TUBA1C: variants seen among roughly 807,000 people sequenced by gnomAD.
The protein encoded by TUBA1C is tubulin alpha 1c.
TUBA1C carries 16 observed loss-of-function variants against 34.9 expected under a neutral mutation model. The observed-to-expected ratio is 0.46, with a 90% CI of 0.31 to 0.70. TUBA1C has a LOEUF of 0.70. Ranked by LOEUF, TUBA1C falls within the 30% of genes least tolerant of loss-of-function variation. The pLI, the probability that TUBA1C is intolerant of heterozygous loss-of-function variation, is 0.05. For missense variants in TUBA1C, 329 were observed against 587.3 expected (o/e 0.56, Z 4.55); for synonymous variants, 177 against 215.9 (o/e 0.82, Z 1.58).
At chr12:49,249,882 TAAG>T (rs1267028303) in intron 1 of TUBA1C, among the ~76,000 whole-genome samples, 3 of 151,024 alleles carry the variant, frequency 2.0e-5, no homozygotes, top group South Asian at 2.1e-4. Context: ...ATAATAATAA[TAAG>T]ATTAGCCAAG....
At chr12:49,244,635 A>G (rs1942649987) in intron 1 of TUBA1C, among the ~76,000 whole-genome samples, 1 of 151,912 alleles carries the variant, frequency 6.6e-6, no homozygotes, top group African/African-American at 2.4e-5. Context: ...ATGATCCCAG[A>G]GAGGGGATTC....
intron 1 of TUBA1C, among the ~76,000 whole-genome samples, chr12:49,255,886 C>A (rs1419241085): frequency 1.3e-5 from 2 of 152,116 alleles, no homozygotes; most frequent in African/African-American, 4.8e-5. Flanking sequence ...TTTTAGGCTT[C>A]CATAGCAATG....
At chr12:49,253,313 C>G (rs1461537754) in intron 1 of TUBA1C, among the ~76,000 whole-genome samples, 1 of 151,974 alleles carries the variant, frequency 6.6e-6, no homozygotes, top group Non-Finnish European at 1.5e-5. Context: ...GAAAATAAAG[C>G]ATGAGAGTTG....
rs1227726969 is a variant in TUBA1C at position 49,273,265 on chromosome 12, C to G, written c.*38C>G. 1 of 1,614,090 alleles carries G rather than the reference C, an allele frequency of 6.2e-7. No individual in the cohort carries two copies. On this transcript the variant is annotated 3_prime_UTR_variant, in exon 4 of 4. Coordinates refer to ENST00000301072, the MANE Select transcript of TUBA1C (RefSeq NM_032704.5). ...ACTTTTACACTCCTTTGTCTTGGAA[C>G]TGTCTTATTTTTGTTCTGTAAATGT... is the stretch of plus-strand genomic sequence containing the variant.
At chr12:49,265,217 T>C (rs1212153415) in intron 1 of TUBA1C, 33 bp downstream of exon 1, 1 of 1,576,462 alleles carries the variant, frequency 6.3e-7, no homozygotes, top group Non-Finnish European at 8.7e-7. Flanking sequence ...TGGGGAAGAG[T>C]GCGCGTCCCA....
intron 1 of TUBA1C, among the ~76,000 whole-genome samples, chr12:49,238,246 C>A (rs904122418): frequency 6.6e-6 from 1 of 151,616 alleles, no homozygotes; most frequent in Non-Finnish European, 1.5e-5. Flanking sequence ...TTGTATCCCA[C>A]AATTCTGCTA....
At position 49,273,277 on chromosome 12, in the gene TUBA1C, T is replaced by G. The variant is rs1277839644; in HGVS notation, c.*50T>G. On this transcript the variant is annotated 3_prime_UTR_variant, in exon 4 of 4. Coordinates refer to ENST00000301072, the MANE Select transcript of TUBA1C (RefSeq NM_032704.5). ...CTTTGTCTTGGAACTGTCTTATTTT[T>G]GTTCTGTAAATGTCTATTGCCGTAA... 6.3e-7 allele frequency: 1 copy of G among 1,585,786 alleles called. No homozygotes were observed. Among genetic ancestry groups the G allele is most frequent in the East Asian group, 2.2e-5 (1 of 44,886 alleles).
intron 3 of TUBA1C, chr12:49,270,179 G>A: frequency 8.9e-7 from 1 of 1,122,732 alleles, no homozygotes. Flanking sequence ...GTGCTCTTTA[G>A]CCTATTTTGC....
intron 1 of TUBA1C, among the ~76,000 whole-genome samples, chr12:49,257,227 T>C (rs1383259141): frequency 6.6e-6 from 1 of 151,682 alleles, no homozygotes; most frequent in Non-Finnish European, 1.5e-5. Context: ...GGGTTGGGAT[T>C]CCAAAGAAGG....
chr12:49,260,888 T>A (rs1256836486), upstream of TUBA1C, among the ~76,000 whole-genome samples: 2 of 151,936 alleles, frequency 1.3e-5, no homozygotes, highest in African/African-American at 4.8e-5. Context: ...CACCACCATG[T>A]CCAGCTAATT....
intron 1 of TUBA1C, among the ~76,000 whole-genome samples, chr12:49,243,193 C>T (rs983726903): frequency 6.6e-6 from 1 of 152,074 alleles, no homozygotes; most frequent in African/African-American, 2.4e-5. Context: ...TGCCTGTAAT[C>T]CTAGCACTTT....
At chr12:49,270,163 A>T in intron 3 of TUBA1C, 187 bp downstream of exon 3, 1 of 1,238,370 alleles carries the variant, frequency 8.1e-7, no homozygotes, top group Non-Finnish European at 1.1e-6. Context: ...TATGGGGTAG[A>T]AGTAAGTGCT....
At position 49,265,158 on chromosome 12, in the gene TUBA1C, C is replaced by T. The variant is rs751685917; in HGVS notation, c.-24C>T. 49 of 1,603,368 alleles carry T rather than the reference C, an allele frequency of 3.1e-5. No individual in the cohort carries two copies. The highest frequency in any genetic ancestry group is 1.8e-4 in the Admixed American group (11 of 59,718). On this transcript the variant is annotated 5_prime_UTR_variant, in exon 1 of 4. Coordinates refer to ENST00000301072, the MANE Select transcript of TUBA1C (RefSeq NM_032704.5). ...GCCGTCCCTTCGCCTCCTTCACCGC[C>T]GCAGACCCCTTCAAGTTCTAGTCAT...
chr12:49,254,353 G>A (rs892768541), intron 1 of TUBA1C, among the ~76,000 whole-genome samples: 15 of 151,696 alleles, frequency 9.9e-5, no homozygotes, highest in African/African-American at 1.5e-4. Flanking sequence ...CGTGGTGCAC[G>A]CCTGTAATCC....
upstream of TUBA1C, among the ~76,000 whole-genome samples, chr12:49,263,343 C>T (rs572551688): frequency 6.6e-6 from 1 of 152,080 alleles, no homozygotes; most frequent in South Asian, 2.1e-4. Context: ...CCCTATCCCA[C>T]TCCCACTTCC....
At chr12:49,253,913 C>T (rs1032730966) in intron 1 of TUBA1C, among the ~76,000 whole-genome samples, 12 of 152,092 alleles carry the variant, frequency 7.9e-5, no homozygotes, top group African/African-American at 2.7e-4. Flanking sequence ...GAAGCAAGAT[C>T]CCAGAGACTG....
chr12:49,250,257 G>T (rs1432607611), intron 1 of TUBA1C, among the ~76,000 whole-genome samples: 2 of 151,972 alleles, frequency 1.3e-5, no homozygotes, highest in Non-Finnish European at 2.9e-5. Flanking sequence ...GGGCGTGGTG[G>T]CTTGCGCCTG....
chr12:49,243,656 G>A (rs1182814528), intron 1 of TUBA1C, among the ~76,000 whole-genome samples: 4 of 151,994 alleles, frequency 2.6e-5, no homozygotes, highest in African/African-American at 7.2e-5. Context: ...CTATCGCCCA[G>A]GCTGGAGTGC....
At chr12:49,228,237 G>C in intron 1 of TUBA1C, 3 of 1,392,636 alleles carry the variant, frequency 2.2e-6, no homozygotes, top group South Asian at 1.3e-5. Context: ...CTGTGTGCAT[G>C]CAACTGATAT....
Sources: gnomAD v4.1 joint callset for allele counts (sites outside exome capture counted in the v4.1 genomes callset) on GRCh38, gnomAD v4.1.1 for gene constraint, MANE v1.5 for transcripts, NCBI Gene and HGNC (gene_info 2026-07-23, HGNC 2026-07-21) for gene names.